The following OPCML variants were observed in gnomAD, a reference collection of about 807,000 sequenced individuals.
OPCML encodes the protein opioid-binding protein/cell adhesion molecule.
Under a neutral mutation model 37.8 loss-of-function variants are expected in OPCML, and 13 were observed. That is an observed-to-expected ratio of 0.34 (90% confidence interval 0.22 to 0.55). The LOEUF is 0.55. Among genes scored for constraint, OPCML ranks in the 20% least tolerant of loss-of-function variants. The pLI, the probability that OPCML is intolerant of heterozygous loss-of-function variation, is 0.91. For missense variants in OPCML, 341 were observed against 435.6 expected, an observed-to-expected ratio of 0.78 and a Z score of 1.93; for synonymous variants, 176 against 168.8, an observed-to-expected ratio of 1.04 and a Z score of -0.33.
rs114475148 is a variant in OPCML, at chr11:133,341,118, G to A, written c.61+191146C>T. On this transcript the variant is annotated intron_variant, in intron 1 of 7. Transcript: ENST00000524381. ...AGCTGCGAGCTTCTTGTGGGACTCT[G>A]TCAATTCCATTCATTCCTGAATCCC... Among the ~76,000 whole-genome samples, 164 of 152,264 alleles carry A rather than the reference G, an allele frequency of 1.1e-3. 1 individual carries two copies. Among genetic ancestry groups the A allele is most frequent in the African/African-American group, 3.8e-3 (156 of 41,544 alleles).
intron 1 of OPCML, among the ~76,000 whole-genome samples, chr11:133,377,956 T>G (rs1944851896): frequency 6.6e-6 from 1 of 152,198 alleles, no homozygotes; most frequent in Admixed American, 6.5e-5. Context: ...GTGAGTTAGT[T>G]TTTCTGCTGG....
At chr11:132,966,660 A>G (rs910873265) in intron 1 of OPCML, among the ~76,000 whole-genome samples, 1 of 152,046 alleles carries the variant, frequency 6.6e-6, no homozygotes, top group African/African-American at 2.4e-5. Context: ...AAAATCCTCA[A>G]TTATTATTGT....
At chr11:132,579,385 A>ATGCGTGTG (rs1555157871) in intron 3 of OPCML, among the ~76,000 whole-genome samples, 3 of 146,530 alleles carry the variant, frequency 2.0e-5, no homozygotes, top group African/African-American at 7.6e-5. Flanking sequence ...TAGAATGAAT[A>ATGCGTGTG]TGTGTGTGTG....
intron 3 of OPCML, among the ~76,000 whole-genome samples, chr11:132,576,724 A>T (rs1257419335): frequency 6.6e-6 from 1 of 152,038 alleles, no homozygotes; most frequent in East Asian, 1.9e-4. Flanking sequence ...TTGATTATTT[A>T]TCCTGGTCTT....
intron 1 of OPCML, among the ~76,000 whole-genome samples, chr11:133,182,759 G>A (rs376333901): frequency 1.7e-4 from 26 of 152,274 alleles, no homozygotes; most frequent in African/African-American, 6.0e-4. Flanking sequence ...GATGAGTTTC[G>A]CAAGGCTTCA....
intron 4 of OPCML, among the ~76,000 whole-genome samples, chr11:132,479,896 G>A (rs2096172931): frequency 6.6e-6 from 1 of 152,108 alleles, no homozygotes; most frequent in Non-Finnish European, 1.5e-5. Flanking sequence ...AAGACCAAAA[G>A]CAGATAAAAC....
chr11:132,574,216 TTTTG>T (rs1370077213), intron 3 of OPCML, among the ~76,000 whole-genome samples: 1 of 151,100 alleles, frequency 6.6e-6, no homozygotes, highest in African/African-American at 2.4e-5. Flanking sequence ...CGTTTTTCTA[TTTTG>T]TTTATTTCTG....
chr11:133,228,633 C>T (rs941808527), intron 1 of OPCML, among the ~76,000 whole-genome samples: 1 of 152,234 alleles, frequency 6.6e-6, no homozygotes, highest in Non-Finnish European at 1.5e-5. Context: ...TTGCCACCTG[C>T]CCCCGCTTGG....
chr11:133,240,345 G>T lies in OPCML; in HGVS notation c.61+291919C>A, dbSNP rs112212025. 2.4e-4 allele frequency among the ~76,000 whole-genome samples: 36 copies of T among 152,066 alleles called. 1 individual carries two copies. The highest frequency in any genetic ancestry group is 6.8e-4 in the African/African-American group (28 of 41,472). ...CTATGCTTAATTTCTGTCCACCAAG[G>T]CTAAGCTTTCCCCAAGACTCAATTG... On this transcript the variant is annotated intron_variant, in intron 1 of 7. Coordinates refer to ENST00000524381, the MANE Select transcript of OPCML (RefSeq NM_001012393.5).
chr11:133,521,535 A>G (rs887695265), intron 1 of OPCML, among the ~76,000 whole-genome samples: 2 of 152,230 alleles, frequency 1.3e-5, no homozygotes, highest in African/African-American at 4.8e-5. Context: ...TTCGCACCAA[A>G]CAAAAGGAGG....
At chr11:132,546,710 A>G (rs1398229772) in intron 3 of OPCML, among the ~76,000 whole-genome samples, 1 of 152,098 alleles carries the variant, frequency 6.6e-6, no homozygotes, top group Non-Finnish European at 1.5e-5. Context: ...ACCTTTTTGC[A>G]TCTATAACAT....
At chr11:133,146,559 C>T (rs577274862) in intron 1 of OPCML, among the ~76,000 whole-genome samples, 20 of 152,106 alleles carry the variant, frequency 1.3e-4, no homozygotes, top group African/African-American at 2.9e-4. Flanking sequence ...GTGACTTGCC[C>T]GCCTCGGCCT....
chr11:133,040,805 A>G (rs1266070210), intron 1 of OPCML, among the ~76,000 whole-genome samples: 1 of 152,176 alleles, frequency 6.6e-6, no homozygotes, highest in Non-Finnish European at 1.5e-5. Flanking sequence ...CAATACCACC[A>G]GGATGGGAGA....
chr11:132,556,991 G>C (rs951026676), intron 3 of OPCML, among the ~76,000 whole-genome samples: 1 of 152,126 alleles, frequency 6.6e-6, no homozygotes, highest in Non-Finnish European at 1.5e-5. Context: ...ACTTAGGCCC[G>C]TGTTCCTGGC....
chr11:133,043,722 G>A (rs1947952053), intron 1 of OPCML, among the ~76,000 whole-genome samples: 1 of 152,046 alleles, frequency 6.6e-6, no homozygotes, highest in African/African-American at 2.4e-5. Context: ...TTACTTTTAT[G>A]TGCATGATGA....
intron 1 of OPCML, among the ~76,000 whole-genome samples, chr11:133,440,117 G>A (rs970683156): frequency 8.5e-5 from 13 of 152,048 alleles, no homozygotes; most frequent in African/African-American, 1.2e-4. Context: ...AAACCAGGCC[G>A]GGCATAGTGG....
At position 133,357,063 on chromosome 11, in the gene OPCML, A is replaced by G. The variant is rs1944305904; in HGVS notation, c.61+175201T>C. ...GAATTGTCATTCAACCGTTTGCTCT[A>G]GGACACAGGTAGAAACTCATGGCCA... On this transcript the variant is annotated intron_variant, in intron 1 of 7. Transcript: ENST00000524381. Among the ~76,000 whole-genome samples the G allele has an allele frequency of 2.6e-5, 4 of 152,354 alleles. No homozygotes were observed. In the South Asian group the frequency reaches 8.3e-4, roughly 32 times the overall value.
chr11:132,998,351 C>T (rs1374100892), intron 1 of OPCML, among the ~76,000 whole-genome samples: 2 of 152,174 alleles, frequency 1.3e-5, no homozygotes, highest in African/African-American at 4.8e-5. Flanking sequence ...TTCTCCCTGT[C>T]TTCTCACTTG....
chr11:133,293,099 C>T (rs966258898), intron 1 of OPCML, among the ~76,000 whole-genome samples: 1 of 152,124 alleles, frequency 6.6e-6, no homozygotes, highest in Non-Finnish European at 1.5e-5. Context: ...GCACCTCAGT[C>T]TGGGAGAAGT....
Sources: gnomAD v4.1 joint callset for allele counts (sites outside exome capture counted in the v4.1 genomes callset) on GRCh38, gnomAD v4.1.1 for gene constraint, MANE v1.5 for transcripts, NCBI Gene and HGNC (gene_info 2026-07-23, HGNC 2026-07-21) for gene names.